The following EXOC4 variants were observed in gnomAD, a reference collection of about 807,000 sequenced individuals.
EXOC4 encodes the protein SEC8-like 1.
Under a neutral mutation model 107.2 loss-of-function variants are expected in EXOC4, and 71 were observed. The ratio of observed to expected loss-of-function variants is 0.66; its 90% CI spans 0.55 to 0.81. The LOEUF (loss-of-function observed/expected upper bound fraction) is 0.81, where lower values mean the gene tolerates loss of function less well. Among genes scored for constraint, EXOC4 ranks in the 30% least tolerant of loss-of-function variants. The pLI is 0.00. For missense variants in EXOC4, 1,108 were observed against 1,189.6 expected, an observed-to-expected ratio of 0.93 and a Z score of 1.01; for synonymous variants, 456 against 441.2, an observed-to-expected ratio of 1.03 and a Z score of -0.42.
At chr7:134,085,846 G>C in the EXOC4 span, among the ~76,000 whole-genome samples, 1 of 152,186 alleles carries the variant, frequency 6.6e-6, no homozygotes, top group Admixed American at 6.5e-5. Context: ...GGAAGATCTT[G>C]GGAATGGGTT....
intron 3 of EXOC4, among the ~76,000 whole-genome samples, chr7:133,301,815 T>C (rs1232808689): frequency 6.6e-6 from 1 of 152,218 alleles, no homozygotes; most frequent in East Asian, 1.9e-4. Flanking sequence ...ACAACATTTC[T>C]TCAACAAAGC....
chr7:133,518,422 C>T (rs1799920654), intron 9 of EXOC4, among the ~76,000 whole-genome samples: 1 of 150,406 alleles, frequency 6.6e-6, no homozygotes, highest in Admixed American at 6.6e-5. Context: ...ATGGCCTCTC[C>T]TATTTTTTTT....
At chr7:133,607,519 A>T (rs984471877) in intron 9 of EXOC4, among the ~76,000 whole-genome samples, 1 of 152,220 alleles carries the variant, frequency 6.6e-6, no homozygotes, top group Non-Finnish European at 1.5e-5. Context: ...GCATAACAAT[A>T]TTTAAATGCA....
chr7:133,733,770 T>C (rs1260716263), intron 10 of EXOC4, among the ~76,000 whole-genome samples: 1 of 152,226 alleles, frequency 6.6e-6, no homozygotes, highest in Non-Finnish European at 1.5e-5. Context: ...TCTTTAATTT[T>C]CATTCTCCCT....
At chr7:133,895,181 G>T (rs1799273940) in intron 11 of EXOC4, 1 of 158,262 alleles carries the variant, frequency 6.3e-6, no homozygotes, top group African/African-American at 3.1e-5. Context: ...GGGTGGGAGT[G>T]ACCCGATTTT....
chr7:133,915,848 A>ATAGTGT (rs1485343464), intron 12 of EXOC4, among the ~76,000 whole-genome samples: 2 of 152,370 alleles, frequency 1.3e-5, no homozygotes, highest in Admixed American at 6.5e-5. Context: ...GACCATGGTT[A>ATAGTGT]CTATGAGAAA....
chr7:133,582,648 G>C (rs573132911), intron 9 of EXOC4, among the ~76,000 whole-genome samples: 2 of 151,758 alleles, frequency 1.3e-5, no homozygotes, highest in Non-Finnish European at 2.9e-5. Context: ...GTTTACATGT[G>C]CAAAATGATT....
At chr7:133,880,846 C>T (rs1798950743) in intron 11 of EXOC4, among the ~76,000 whole-genome samples, 1 of 152,118 alleles carries the variant, frequency 6.6e-6, no homozygotes. Flanking sequence ...ACATCATATA[C>T]ATTTTCCATG....
intron 11 of EXOC4, among the ~76,000 whole-genome samples, chr7:133,834,700 T>G (rs1414149471): frequency 2.0e-5 from 3 of 152,228 alleles, no homozygotes; most frequent in Non-Finnish European, 4.4e-5. Context: ...ACAGCCAGCA[T>G]GACAAGAAAT....
chr7:133,293,417 A>G (rs1794450374), intron 3 of EXOC4, among the ~76,000 whole-genome samples: 1 of 152,228 alleles, frequency 6.6e-6, no homozygotes, highest in African/African-American at 2.4e-5. Context: ...AAAAGACATC[A>G]GAGGAAAGTG....
intron 14 of EXOC4, among the ~76,000 whole-genome samples, chr7:133,974,621 G>T (rs1422165683): frequency 6.6e-6 from 1 of 152,176 alleles, no homozygotes. Context: ...TTTTGTTCGT[G>T]CCCTGTATTT....
chr7:133,484,069 C>A (rs746469739), intron 9 of EXOC4: 1 of 1,613,772 alleles, frequency 6.2e-7, no homozygotes, highest in African/African-American at 1.3e-5. Flanking sequence ...ACCAGAAAGA[C>A]AATCAAAGTA....
chr7:133,378,076 C>T (rs998880719), intron 7 of EXOC4, among the ~76,000 whole-genome samples: 27 of 151,900 alleles, frequency 1.8e-4, no homozygotes, highest in Admixed American at 1.1e-3. Context: ...TTTGGGAACC[C>T]GAGGCGGGTG....
At chr7:133,583,744 A>G (rs913557924) in intron 9 of EXOC4, among the ~76,000 whole-genome samples, 2 of 152,214 alleles carry the variant, frequency 1.3e-5, no homozygotes, top group East Asian at 1.9e-4. Context: ...ATGCCATACT[A>G]AGGAATATCA....
chr7:133,355,889 CT>C (rs1796009986), intron 5 of EXOC4, among the ~76,000 whole-genome samples: 1 of 152,136 alleles, frequency 6.6e-6, no homozygotes. Flanking sequence ...ACTCTTCCCC[CT>C]GTGTGTATTC....
intron 14 of EXOC4, among the ~76,000 whole-genome samples, chr7:133,967,525 G>T (rs1284091575): frequency 1.3e-5 from 2 of 152,130 alleles, no homozygotes; most frequent in Non-Finnish European, 2.9e-5. Context: ...CTGGTATGTT[G>T]TGTCTTTGTT....
chr7:133,469,554 A>G (rs1798820533), intron 7 of EXOC4, among the ~76,000 whole-genome samples: 7 of 152,236 alleles, frequency 4.6e-5, no homozygotes, highest in Admixed American at 4.6e-4. Context: ...TAATTTTGGT[A>G]TAAATGTCAA....
chr7:133,503,246 G>A (rs938540222), intron 9 of EXOC4, among the ~76,000 whole-genome samples: 1 of 152,034 alleles, frequency 6.6e-6, no homozygotes, highest in Non-Finnish European at 1.5e-5. Flanking sequence ...TTAAATAAGG[G>A]TGGGGCTTTT....
At chr7:133,331,118 A>G (rs1170375301) in intron 5 of EXOC4, among the ~76,000 whole-genome samples, 1 of 152,176 alleles carries the variant, frequency 6.6e-6, no homozygotes, top group Non-Finnish European at 1.5e-5. Context: ...ATAAAATGCA[A>G]AGTCAAGGCA....
Sources: allele counts gnomAD v4.1 joint callset (sites outside exome capture counted in the v4.1 genomes callset), GRCh38; gene constraint gnomAD v4.1.1; transcripts MANE v1.5; gene names NCBI Gene and HGNC (gene_info 2026-07-23, HGNC 2026-07-21).